The following GLIS3 variants were observed in gnomAD, a reference collection of about 807,000 sequenced individuals.
GLIS3 encodes GLIS family zinc finger 3.
A neutral mutation model predicts 78.6 loss-of-function variants in GLIS3; 53 were observed. The ratio of observed to expected loss-of-function variants is 0.67; its 90% CI spans 0.54 to 0.85. The LOEUF (loss-of-function observed/expected upper bound fraction) is 0.85, where lower values mean the gene tolerates loss of function less well. GLIS3 is among the 40% of genes least tolerant of loss of function. GLIS3 has a pLI of 0.00. For missense variants in GLIS3, 1,703 were observed against 1,231.1 expected (o/e 1.38, Z -5.74); for synonymous variants, 684 against 509.9 (o/e 1.34, Z -4.60).
chr9:4,146,349 CAT>C (rs1242087933), intron 2 of GLIS3, among the ~76,000 whole-genome samples: 1 of 152,200 alleles, frequency 6.6e-6, no homozygotes, highest in Non-Finnish European at 1.5e-5. Flanking sequence ...CAATGTGTGG[CAT>C]GTAACTCAAA....
At chr9:3,919,159 T>C (rs1002736516) in intron 6 of GLIS3, among the ~76,000 whole-genome samples, 11 of 152,284 alleles carry the variant, frequency 7.2e-5, no homozygotes, top group African/African-American at 2.2e-4. Context: ...GGGGAAAATC[T>C]ACCACCATCT....
At chr9:4,033,477 C>A (rs1472724865) in intron 4 of GLIS3, among the ~76,000 whole-genome samples, 1 of 152,120 alleles carries the variant, frequency 6.6e-6, no homozygotes, top group Non-Finnish European at 1.5e-5. Flanking sequence ...AGTAGGTACA[C>A]CTTCCTGGAC....
the GLIS3 span, among the ~76,000 whole-genome samples, chr9:4,463,166 A>G: frequency 6.6e-6 from 1 of 152,210 alleles, no homozygotes; most frequent in Non-Finnish European, 1.5e-5. Context: ...GTTGTCACAA[A>G]CACAGAATAC....
At position 4,118,311 on chromosome 9, in the gene GLIS3, G is replaced by A; in HGVS notation, c.1167C>T (p.Ala389=). 6.3e-7 allele frequency: 1 copy of A among 1,575,752 alleles called. No individual in the cohort carries two copies. The highest frequency in any genetic ancestry group is 8.6e-7 in the Non-Finnish European group (1 of 1,163,120). ...GCTGTTGCATGCGCTCGTGCTCCAG[G>A]GCCCCGTCCTCGCCGTAGGCCGGCA... ...LALPAYGEDG[A]LEHERMQQLE... is the part of the protein sequence containing the mutation. The change falls in exon 4 of 11, where the codon GCC becomes GCT. Residue 389 remains alanine, a synonymous_variant. Coordinates refer to ENST00000381971, the MANE Select transcript of GLIS3 (RefSeq NM_001042413.2). The surrounding 1 kb of genome is among the most constrained non-coding windows in gnomAD (Gnocchi z 4.7).
At chr9:4,309,416 G>C (rs76643921) in intron 3 of GLIS3, among the ~76,000 whole-genome samples, 1 of 152,272 alleles carries the variant, frequency 6.6e-6, no homozygotes, top group East Asian at 1.9e-4. Flanking sequence ...TGGGGCGGGG[G>C]GAGCACAGTA....
At chr9:4,025,120 T>G (rs759832421) in intron 4 of GLIS3, among the ~76,000 whole-genome samples, 3 of 151,888 alleles carry the variant, frequency 2.0e-5, no homozygotes, top group Non-Finnish European at 2.9e-5. Flanking sequence ...AGCGTGGTGG[T>G]GCACACCTGT....
chr9:4,087,143 A>C (rs1040928072), intron 4 of GLIS3, among the ~76,000 whole-genome samples: 1 of 152,338 alleles, frequency 6.6e-6, no homozygotes, highest in African/African-American at 2.4e-5. Context: ...AGTGGAGGCA[A>C]AGAAGACAAA....
chr9:4,059,153 G>T (rs1826410458), intron 4 of GLIS3, among the ~76,000 whole-genome samples: 1 of 152,068 alleles, frequency 6.6e-6, no homozygotes, highest in East Asian at 1.9e-4. Context: ...TTTGAGGGTG[G>T]GATCAGGCCT....
the GLIS3 span, among the ~76,000 whole-genome samples, chr9:4,485,587 G>A: frequency 1.3e-5 from 2 of 152,168 alleles, no homozygotes; most frequent in Non-Finnish European, 2.9e-5. Flanking sequence ...CATGTGACTA[G>A]CTTTGCATTA....
intron 2 of GLIS3, among the ~76,000 whole-genome samples, chr9:4,235,113 C>A (rs11792164): frequency 0.12 from 18,502 of 151,762 alleles, 1,280 homozygotes; most frequent in African/African-American, 0.19. Flanking sequence ...CCTGGCTAAC[C>A]CGGTGAAACT....
intron 4 of GLIS3, among the ~76,000 whole-genome samples, chr9:3,978,628 G>GTA (rs201475671): frequency 3.6e-4 from 54 of 150,700 alleles, no homozygotes; most frequent in East Asian, 7.8e-4. Context: ...GTATATGTGT[G>GTA]TATATATATA....
rs181533734 is a variant in GLIS3, at chr9:4,077,661, G to T, written c.1710+40107C>A. ...TCTACAATATTTCTCCTTTGCCAGG[G>T]TAGTCCCTGTCGGCCTCTACCAACA... On this transcript the variant is annotated intron_variant, in intron 4 of 10. Coordinates refer to ENST00000381971, the MANE Select transcript of GLIS3 (RefSeq NM_001042413.2). Among the ~76,000 whole-genome samples the T allele has an allele frequency of 2.3e-4, 35 of 152,226 alleles. No homozygotes were observed. The East Asian group carries it at 5.8e-3, about 25-fold the overall frequency.
intron 2 of GLIS3, among the ~76,000 whole-genome samples, chr9:4,215,221 C>G (rs1382582062): frequency 6.6e-6 from 1 of 152,152 alleles, no homozygotes; most frequent in Non-Finnish European, 1.5e-5. Flanking sequence ...GCCTTCCAAC[C>G]TCCCCTCTGA....
At chr9:4,261,645 C>G (rs1825538525) in intron 2 of GLIS3, among the ~76,000 whole-genome samples, 1 of 152,160 alleles carries the variant, frequency 6.6e-6, no homozygotes, top group Non-Finnish European at 1.5e-5. Flanking sequence ...TAGAATGCCC[C>G]TGAGCGAATG....
At chr9:4,444,248 T>G in the GLIS3 span, among the ~76,000 whole-genome samples, 1 of 152,218 alleles carries the variant, frequency 6.6e-6, no homozygotes, top group African/African-American at 2.4e-5. Context: ...ACACCACTTA[T>G]CTTAATTCAC....
At chr9:3,907,909 G>C (rs573384397) in intron 6 of GLIS3, among the ~76,000 whole-genome samples, 5 of 152,152 alleles carry the variant, frequency 3.3e-5, no homozygotes, top group Non-Finnish European at 7.3e-5. Flanking sequence ...CAAGAATGTC[G>C]AGAGGCAATC....
At chr9:3,961,564 G>C (rs1286116389) in intron 4 of GLIS3, among the ~76,000 whole-genome samples, 1 of 152,170 alleles carries the variant, frequency 6.6e-6, no homozygotes, top group Non-Finnish European at 1.5e-5. Flanking sequence ...AATCAAGGTT[G>C]CCAACATTCA....
intron 2 of GLIS3, among the ~76,000 whole-genome samples, chr9:4,277,087 T>C (rs1446442453): frequency 6.6e-6 from 1 of 152,088 alleles, no homozygotes; most frequent in African/African-American, 2.4e-5. Context: ...ATTAACTGCA[T>C]CTCTTCAAAA....
At chr9:4,284,545 A>T (rs1215508785) in intron 2 of GLIS3, among the ~76,000 whole-genome samples, 2 of 152,048 alleles carry the variant, frequency 1.3e-5, no homozygotes, top group African/African-American at 4.8e-5. Flanking sequence ...ACTTATGCTA[A>T]ATATCAGTAC....
Sources: gnomAD v4.1 joint callset for allele counts (sites outside exome capture counted in the v4.1 genomes callset) on GRCh38, gnomAD v4.1.1 for gene constraint, Gnocchi (gnomAD v3.1) non-coding constraint, MANE v1.5 for transcripts, NCBI Gene and HGNC (gene_info 2026-07-23, HGNC 2026-07-21) for gene names.